Variants in ZNF547 observed in about 807,000 individuals in gnomAD.
ZNF547 encodes the protein zinc finger protein 547.
In ZNF547, 4 loss-of-function variants were observed where a neutral mutation model predicts 7.7. The observed-to-expected ratio is 0.52, with a 90% CI of 0.26 to 1.20. ZNF547 has a LOEUF of 1.20. ZNF547 is among the 50% of genes most tolerant of loss of function. The pLI is 0.14. For missense variants in ZNF547, 449 were observed against 485.8 expected, an observed-to-expected ratio of 0.92 and a Z score of 0.71; for synonymous variants, 166 against 166.2, an observed-to-expected ratio of 1.00 and a Z score of 0.01.
At chr19:57,368,688 C>G in intron 2 of ZNF547, 109 bp downstream of exon 2, 2 of 1,056,066 alleles carry the variant, frequency 1.9e-6, no homozygotes, top group Non-Finnish European at 1.4e-6. Context: ...GTCTTTCTCC[C>G]TCTCTTATGT....
At chr19:57,375,029 T>C (rs2088527470) in intron 3 of ZNF547, among the ~76,000 whole-genome samples, 1 of 152,306 alleles carries the variant, frequency 6.6e-6, no homozygotes, top group Non-Finnish European at 1.5e-5. Context: ...ACCAGTTTAC[T>C]ATATTTGTCC....
chr19:57,373,698 C>T (rs2088519982), intron 3 of ZNF547, among the ~76,000 whole-genome samples: 1 of 152,150 alleles, frequency 6.6e-6, no homozygotes, highest in Non-Finnish European at 1.5e-5. Flanking sequence ...AGCCTACAGG[C>T]CCCATGCAAG....
At chr19:57,369,066 G>A (rs2088488655) in intron 2 of ZNF547, among the ~76,000 whole-genome samples, 1 of 152,168 alleles carries the variant, frequency 6.6e-6, no homozygotes. Context: ...ATTTGAAGCA[G>A]AAGAGGGCAG....
chr19:57,368,321 T>A (rs1181808701), intron 1 of ZNF547: 2 of 535,352 alleles, frequency 3.7e-6, no homozygotes, highest in East Asian at 6.2e-5. Flanking sequence ...GAGCCATTCT[T>A]ACAACCTATT....
chr19:57,366,425 G>A (rs992533638), intron 1 of ZNF547, among the ~76,000 whole-genome samples: 1 of 150,588 alleles, frequency 6.6e-6, no homozygotes, highest in African/African-American at 2.4e-5. Flanking sequence ...GGCCAGGCTG[G>A]TCTTGAACTC....
In ZNF547 at chr19:57,377,998, A is replaced by G. The variant is rs2123024746; in HGVS notation, c.1022A>G (p.Gln341Arg). 1.2e-6 allele frequency: 2 copies of G among 1,613,992 alleles called. No individual in the cohort carries two copies. Among genetic ancestry groups the G allele is most frequent in the African/African-American group, 1.3e-5 (1 of 75,000 alleles). The change falls in exon 4 of 4, where the codon CAA becomes CGA. Residue 341 changes from glutamine (Q) to arginine (R), a missense_variant. Physicochemically the swap from Gln to Arg is conservative, Grantham distance 43. Transcript: ENST00000282282. ...TTCAGCTTGAAATCCGTCCTCATTCAACACCAAAGAGTTCACACTGGAGAA... is the reference window on the plus strand; with the variant it reads ...TTCAGCTTGAAATCCGTCCTCATTCGACACCAAAGAGTTCACACTGGAGAA... ...KFFSLKSVLI[Q>R]HQRVHTGERP...
rs976986262 is a variant in ZNF547, at chr19:57,374,186, C to T, written c.151+2278C>T. ...TCATGACTTCTTTGCACCCACAGGC[C>T]CAACACCATGTGCAAGCCACCAAGG... On this transcript the variant is annotated intron_variant, in intron 3 of 3. Coordinates refer to ENST00000282282, the MANE Select transcript of ZNF547 (RefSeq NM_173631.4). 1.2e-4 allele frequency among the ~76,000 whole-genome samples: 18 copies of T among 152,244 alleles called. 1 individual carries two copies. Among genetic ancestry groups the T allele is most frequent in the Admixed American group, 5.2e-4 (8 of 15,278 alleles).
intron 3 of ZNF547, among the ~76,000 whole-genome samples, chr19:57,376,244 G>A (rs543163442): frequency 6.6e-6 from 1 of 152,064 alleles, no homozygotes; most frequent in Non-Finnish European, 1.5e-5. Context: ...CCCATGATTC[G>A]GTTACCTTCA....
intron 2 of ZNF547, among the ~76,000 whole-genome samples, chr19:57,371,306 G>A (rs1357668147): frequency 6.6e-6 from 1 of 152,228 alleles, no homozygotes; most frequent in South Asian, 2.1e-4. Context: ...ACAGGCCAAT[G>A]ACACTGAAAG....
chr19:57,365,846 TTTTC>T (rs1253659735), intron 1 of ZNF547, among the ~76,000 whole-genome samples: 22 of 150,066 alleles, frequency 1.5e-4, no homozygotes, highest in Admixed American at 5.3e-4. Flanking sequence ...TAAGCTTTCT[TTTTC>T]TTTCTTTCTT....
At chr19:57,367,032 T>C (rs1328410101) in intron 1 of ZNF547, among the ~76,000 whole-genome samples, 3 of 152,206 alleles carry the variant, frequency 2.0e-5, no homozygotes, top group African/African-American at 7.2e-5. Flanking sequence ...CAGTGAAGTG[T>C]GTTGCTTCTG....
rs1369118023 is a variant in ZNF547 at position 57,377,775 on chromosome 19, C to A, written c.799C>A (p.Pro267Thr). The A allele has an allele frequency of 6.2e-7, 1 of 1,614,018 alleles. No individual in the cohort carries two copies. Among genetic ancestry groups the A allele is most frequent in the East Asian group, 2.2e-5 (1 of 44,856 alleles). Residue 267 changes from proline (P) to threonine (T), a missense_variant, in exon 4 of 4, where the codon CCT (proline) becomes ACT (threonine). Transcript: ENST00000282282. ...THQRVHTGKR[P>T]YGCSECGKFF... The stretch of plus-strand genomic sequence containing the variant: ...TCAGAGGGTTCACACTGGAAAGAGG[C>A]CTTATGGTTGCAGTGAATGTGGGAA...
intron 1 of ZNF547, 72 bp from the exon 2 acceptor site, chr19:57,368,472 G>A: frequency 6.9e-7 from 1 of 1,450,204 alleles, no homozygotes; most frequent in Non-Finnish European, 9.7e-7. Context: ...AGGAAGAAGA[G>A]ATGGTGGTCC....
At position 57,378,004 on chromosome 19, in the gene ZNF547, A is replaced by G. The variant is rs373524317; in HGVS notation, c.1028A>G (p.Gln343Arg). Residue 343 changes from glutamine to arginine, a missense_variant, in exon 4 of 4, where the codon CAA (glutamine) becomes CGA (arginine). Coordinates refer to ENST00000282282, the MANE Select transcript of ZNF547 (RefSeq NM_173631.4). ...FSLKSVLIQHQRVHTGERPYE... is the reference protein window; with the variant it reads ...FSLKSVLIQHRRVHTGERPYE... Reference sequence around the variant, plus strand: ...TTGAAATCCGTCCTCATTCAACACCAAAGAGTTCACACTGGAGAACGGCCT... The same window carrying G: ...TTGAAATCCGTCCTCATTCAACACCGAAGAGTTCACACTGGAGAACGGCCT... 61 of 1,614,078 alleles carry G rather than the reference A, an allele frequency of 3.8e-5. No individual in the cohort carries two copies. The highest frequency in any genetic ancestry group is 5.2e-5 in the Non-Finnish European group (61 of 1,180,032).
rs148054276 is a variant in ZNF547 at position 57,377,820 on chromosome 19, A to T, written c.844A>T (p.Asn282Tyr). 1.5e-5 allele frequency: 24 copies of T among 1,614,000 alleles called. 1 individual carries two copies. Among genetic ancestry groups the T allele is most frequent in the Non-Finnish European group, 2.0e-5 (24 of 1,180,044 alleles). ...TGGGAAGTTCTTTAAGTGCAACTCA[A>T]ACCTCTTTAGGCATTACAGAATTCA... Reference protein sequence around the residue: ...ECGKFFKCNSNLFRHYRIHTG... With the variant: ...ECGKFFKCNSYLFRHYRIHTG... The change falls in exon 4 of 4, where the codon AAC becomes TAC. Residue 282 changes from asparagine (N) to tyrosine (Y), a missense_variant. Asn to Tyr is a moderately radical substitution (Grantham distance 143, BLOSUM62 -2). Transcript: ENST00000282282.
chr19:57,376,711 A>G (rs1277039897), intron 3 of ZNF547, among the ~76,000 whole-genome samples: 1 of 152,188 alleles, frequency 6.6e-6, no homozygotes. Context: ...GAGTTTCCTT[A>G]GAACCCCAAT....
chr19:57,365,065 G>A (rs773525734), intron 1 of ZNF547: 22 of 1,610,820 alleles, frequency 1.4e-5, no homozygotes, highest in Admixed American at 5.0e-5. Context: ...ATTTGTCACC[G>A]CGGGGCATAT....
At chr19:57,368,646 A>G in intron 2 of ZNF547, 67 bp downstream of exon 2, 1 of 1,512,018 alleles carries the variant, frequency 6.6e-7, no homozygotes, top group Non-Finnish European at 9.2e-7. Context: ...ACCTCCATGT[A>G]AAGAAAAGTG....
At chr19:57,365,412 A>AT (rs2088460013) in intron 1 of ZNF547, 1 of 617,702 alleles carries the variant, frequency 1.6e-6, no homozygotes. Context: ...AAAATAGTAC[A>AT]TTCTGTCTCA....
Sources: allele counts gnomAD v4.1 joint callset (sites outside exome capture counted in the v4.1 genomes callset), GRCh38; gene constraint gnomAD v4.1.1; transcripts MANE v1.5; gene names NCBI Gene and HGNC (gene_info 2026-07-23, HGNC 2026-07-21).